Variants in AKAP19 observed in about 807,000 individuals in gnomAD.
AKAP19 encodes small A-kinase anchoring protein.
the AKAP19 span, among the ~76,000 whole-genome samples, chr2:190,075,304 C>T: frequency 6.6e-6 from 1 of 151,964 alleles, no homozygotes; most frequent in African/African-American, 2.4e-5. Context: ...TTATGGCCCA[C>T]CTTATGTTCT....
chr2:189,980,032 T>C, the AKAP19 span, among the ~76,000 whole-genome samples: 1 of 152,176 alleles, frequency 6.6e-6, no homozygotes, highest in African/African-American at 2.4e-5. Context: ...AGCTTAGAAC[T>C]ATCATTCAAC....
At chr2:190,126,412 A>G in the AKAP19 span, among the ~76,000 whole-genome samples, 1 of 150,440 alleles carries the variant, frequency 6.6e-6, no homozygotes, top group South Asian at 2.1e-4. Context: ...ATAAGATAGC[A>G]TAGTTACCTG....
At chr2:189,968,007 T>A in the AKAP19 span, among the ~76,000 whole-genome samples, 2 of 152,156 alleles carry the variant, frequency 1.3e-5, no homozygotes, top group African/African-American at 4.8e-5. Context: ...CATAAAGTGT[T>A]GATAAATTTG....
the AKAP19 span, among the ~76,000 whole-genome samples, chr2:189,949,823 G>A: frequency 6.6e-6 from 1 of 150,852 alleles, no homozygotes; most frequent in East Asian, 2.0e-4. Flanking sequence ...GTAGAGATGG[G>A]GTTTCACCAT....
chr2:189,949,283 A>G, the AKAP19 span, among the ~76,000 whole-genome samples: 1 of 152,058 alleles, frequency 6.6e-6, no homozygotes, highest in South Asian at 2.1e-4. Flanking sequence ...GCCGGGCGCG[A>G]TGGCTCACAC....
chr2:190,079,730 G>A, the AKAP19 span, among the ~76,000 whole-genome samples: 3 of 152,062 alleles, frequency 2.0e-5, no homozygotes, highest in Non-Finnish European at 2.9e-5. Flanking sequence ...AGAATTTCTT[G>A]AACCCAGGAG....
chr2:190,080,867 A>C, the AKAP19 span, among the ~76,000 whole-genome samples: 1 of 152,178 alleles, frequency 6.6e-6, no homozygotes, highest in Non-Finnish European at 1.5e-5. Context: ...TGAAGCACTG[A>C]GATGTAAGTA....
At chr2:190,070,377 A>G in the AKAP19 span, among the ~76,000 whole-genome samples, 3,702 of 152,168 alleles carry the variant, frequency 0.024, 161 homozygotes, top group East Asian at 0.18. Flanking sequence ...TAACCACAGA[A>G]AGTTACAAGG....
chr2:190,005,237 T>C, the AKAP19 span, among the ~76,000 whole-genome samples: 1 of 152,180 alleles, frequency 6.6e-6, no homozygotes, highest in Non-Finnish European at 1.5e-5. Context: ...CTGACCAGGT[T>C]GCCGCAGCTG....
chr2:190,042,800 A>T, the AKAP19 span, among the ~76,000 whole-genome samples: 1 of 152,174 alleles, frequency 6.6e-6, no homozygotes, highest in African/African-American at 2.4e-5. Flanking sequence ...ACTGGTCTGC[A>T]TGTATAAGTG....
At chr2:190,198,485 T>C in the AKAP19 span, among the ~76,000 whole-genome samples, 1 of 151,580 alleles carries the variant, frequency 6.6e-6, no homozygotes, top group Non-Finnish European at 1.5e-5. Flanking sequence ...TACAAAAACT[T>C]AGGTAGGCAT....
At chr2:190,095,719 GAGA>G in the AKAP19 span, 1 of 152,206 alleles carries the variant, frequency 6.6e-6, no homozygotes, top group African/African-American at 2.4e-5. Flanking sequence ...GATTCAATCA[GAGA>G]AGAAGAGTGG....
chr2:189,984,848 G>A, the AKAP19 span, among the ~76,000 whole-genome samples: 1 of 151,936 alleles, frequency 6.6e-6, no homozygotes, highest in Non-Finnish European at 1.5e-5. Flanking sequence ...CATTTTGGGG[G>A]ATCTAGTGGT....
At chr2:190,062,233 G>T in the AKAP19 span, 3 of 1,612,696 alleles carry the variant, frequency 1.9e-6, no homozygotes, top group African/African-American at 4.0e-5. Flanking sequence ...CACTCTGTAG[G>T]CATGGTAATG....
At chr2:190,141,964 A>T in the AKAP19 span, among the ~76,000 whole-genome samples, 1 of 152,176 alleles carries the variant, frequency 6.6e-6, no homozygotes, top group Admixed American at 6.5e-5. Flanking sequence ...AGGAAAGGTG[A>T]GGTCTGGAAA....
chr2:189,974,224 C>A, the AKAP19 span, among the ~76,000 whole-genome samples: 1 of 152,176 alleles, frequency 6.6e-6, no homozygotes, highest in Non-Finnish European at 1.5e-5. Flanking sequence ...TCTCTGCCCT[C>A]ATTTCGTTAT....
At chr2:190,152,899 C>CTT in the AKAP19 span, among the ~76,000 whole-genome samples, 618 of 143,804 alleles carry the variant, frequency 4.3e-3, 2 homozygotes, top group African/African-American at 6.7e-3. Flanking sequence ...CCCATTCTTT[C>CTT]TTTTTTTTTT....
chr2:190,048,609 T>A, the AKAP19 span, among the ~76,000 whole-genome samples: 1 of 152,174 alleles, frequency 6.6e-6, no homozygotes, highest in Admixed American at 6.5e-5. Flanking sequence ...AAACATTTTT[T>A]AAAAAACCTT....
chr2:189,939,773 C>T, the AKAP19 span, among the ~76,000 whole-genome samples: 6 of 152,134 alleles, frequency 3.9e-5, no homozygotes, highest in African/African-American at 1.4e-4. Flanking sequence ...AGTTGAACTG[C>T]AAAATTCACT....
Sources: allele counts gnomAD v4.1 joint callset (sites outside exome capture counted in the v4.1 genomes callset), GRCh38; gene constraint gnomAD v4.1.1; transcripts MANE v1.5; gene names NCBI Gene and HGNC (gene_info 2026-07-23, HGNC 2026-07-21).